BICRAL: variants seen among roughly 807,000 people sequenced by gnomAD.
BICRAL encodes BRD4-interacting chromatin-remodeling complex-associated protein-like.
A neutral mutation model predicts 91.8 loss-of-function variants in BICRAL; 8 were observed. The ratio of observed to expected loss-of-function variants is 0.09; its 90% confidence interval spans 0.05 to 0.16. The LOEUF (loss-of-function observed/expected upper bound fraction) is 0.16. BICRAL is among the 10% of genes least tolerant of loss of function. BICRAL has a pLI of 1.00. For synonymous variants in BICRAL, 445 were observed against 491.1 expected (o/e 0.91, Z 1.24); for missense variants, 1,038 against 1,310.9 (o/e 0.79, Z 3.21).
At chr6:42,776,019 T>TTTTA (rs1472551192) in intron 1 of BICRAL, among the ~76,000 whole-genome samples, 3 of 152,140 alleles carry the variant, frequency 2.0e-5, no homozygotes, top group Non-Finnish European at 2.9e-5. Context: ...AGGTTTTTTA[T>TTTTA]TTTATTTATT....
chr6:42,851,267 A>G (rs998038901), intron 6 of BICRAL, among the ~76,000 whole-genome samples: 3 of 152,180 alleles, frequency 2.0e-5, no homozygotes, highest in African/African-American at 7.2e-5. Flanking sequence ...CATGCATACA[A>G]TCCCAGCTAC....
intron 1 of BICRAL, among the ~76,000 whole-genome samples, chr6:42,784,039 T>C (rs1175470780): frequency 6.6e-6 from 1 of 152,244 alleles, no homozygotes; most frequent in East Asian, 1.9e-4. Flanking sequence ...ACCCTACGCT[T>C]CGTTTCTTAG....
chr6:42,785,531 A>C (rs1193286345), intron 1 of BICRAL, among the ~76,000 whole-genome samples: 1 of 148,912 alleles, frequency 6.7e-6, no homozygotes, highest in Non-Finnish European at 1.5e-5. Flanking sequence ...ATTGCACTCC[A>C]GTCCGGGAAA....
intron 1 of BICRAL, among the ~76,000 whole-genome samples, chr6:42,804,684 A>G (rs1312272357): frequency 6.6e-6 from 1 of 152,136 alleles, no homozygotes; most frequent in East Asian, 1.9e-4. Flanking sequence ...TACAGGGACA[A>G]GTGGGGTGGG....
rs913150912 is a variant in BICRAL, at chr6:42,845,226, T to G, written c.1840-6866T>G. Among the ~76,000 whole-genome samples the G allele has an allele frequency of 1.4e-4, 11 of 80,940 alleles. 1 individual carries two copies. Among genetic ancestry groups the G allele is most frequent in the East Asian group, 9.7e-4 (3 of 3,088 alleles). The allele number at this position is 80,940 out of a possible 152,430, so 53.1% of individuals were successfully genotyped here. On this transcript the variant is annotated intron_variant, in intron 6 of 12. Coordinates refer to ENST00000314073, the MANE Select transcript of BICRAL (RefSeq NM_001393499.1). Reference sequence around the variant, plus strand: ...TTTTTTTTTTTTTTTTTTTTTTTTTTTTTTTTTTTTTTTTTTTTTTTTAGA... The same window carrying G: ...TTTTTTTTTTTTTTTTTTTTTTTTTGTTTTTTTTTTTTTTTTTTTTTTAGA...
intron 1 of BICRAL, among the ~76,000 whole-genome samples, chr6:42,802,549 A>G (rs1763608382): frequency 6.6e-6 from 1 of 151,954 alleles, no homozygotes; most frequent in Non-Finnish European, 1.5e-5. Context: ...CCTGGGTTCA[A>G]GCGATTCTCC....
chr6:42,858,776 C>T (rs1765466289), intron 10 of BICRAL, among the ~76,000 whole-genome samples: 1 of 151,992 alleles, frequency 6.6e-6, no homozygotes, highest in Non-Finnish European at 1.5e-5. Flanking sequence ...GAGATCGTGC[C>T]ATTGCACTCC....
At chr6:42,752,739 G>A (rs139601181) in intron 1 of BICRAL, among the ~76,000 whole-genome samples, 9 of 151,974 alleles carry the variant, frequency 5.9e-5, no homozygotes, top group Non-Finnish European at 1.0e-4. Context: ...TAGTAGCTGG[G>A]ATTACAGGCA....
upstream of BICRAL, among the ~76,000 whole-genome samples, chr6:42,779,009 T>C (rs765739928): frequency 4.0e-5 from 6 of 151,450 alleles, no homozygotes; most frequent in Non-Finnish European, 7.4e-5. Context: ...GTGTTTTTGG[T>C]AGAGATGGGG....
Position 42,865,197 on chromosome 6 carries a change from C to G in BICRAL, c.2991C>G (p.Pro997=), listed in dbSNP as rs778211067. 1.2e-6 allele frequency: 2 copies of G among 1,614,088 alleles called. No individual in the cohort carries two copies. The highest frequency in any genetic ancestry group is 3.3e-5 in the Admixed American group (2 of 60,028). The part of the protein sequence containing the change: ...HTDIMKGSGE[P]QPDLQLTKSL... ...ACATCATGAAAGGGTCAGGCGAACC[C>G]CAGCCAGATCTCCAGCTGACAAAGA... Residue 997 remains proline (P), a synonymous_variant, in exon 13 of 13, where the codon CCC becomes CCG. Coordinates refer to ENST00000314073, the MANE Select transcript of BICRAL (RefSeq NM_001393499.1).
At chr6:42,764,368 A>G (rs942915544) in intron 1 of BICRAL, among the ~76,000 whole-genome samples, 1 of 150,716 alleles carries the variant, frequency 6.6e-6, no homozygotes, top group African/African-American at 2.4e-5. Flanking sequence ...CCTAGGCAAC[A>G]TGGCGTAACC....
In BICRAL at chr6:42,864,760, T is replaced by A; in HGVS notation, c.2554T>A (p.Ser852Thr). ...SDQHGSKASS[S>T]LQPPAKAQGR... ...CCAGCATGGCAGTAAAGCAAGCAGC[T>A]CTCTGCAACCGCCAGCCAAGGCCCA... The change falls in exon 13 of 13, where the codon TCT (serine) becomes ACT (threonine). Residue 852 changes from serine (S) to threonine (T), a missense_variant. Coordinates refer to ENST00000314073, the MANE Select transcript of BICRAL (RefSeq NM_001393499.1). The A allele has an allele frequency of 6.2e-7, 1 of 1,614,060 alleles. No homozygotes were observed. Among genetic ancestry groups the A allele is most frequent in the South Asian group, 1.1e-5 (1 of 91,082 alleles).
intron 6 of BICRAL, among the ~76,000 whole-genome samples, chr6:42,832,295 C>T (rs1764505971): frequency 1.3e-5 from 2 of 150,610 alleles, no homozygotes; most frequent in African/African-American, 4.9e-5. Context: ...TTGCAGTGAG[C>T]CAAGATCATG....
At chr6:42,795,131 A>T (rs1470540966) in intron 1 of BICRAL, among the ~76,000 whole-genome samples, 2 of 152,146 alleles carry the variant, frequency 1.3e-5, no homozygotes, top group African/African-American at 4.8e-5. Flanking sequence ...CTGCTATTAG[A>T]TTTAAAAACG....
intron 10 of BICRAL, among the ~76,000 whole-genome samples, chr6:42,859,652 T>TA (rs1765491672): frequency 2.3e-4 from 35 of 151,676 alleles, no homozygotes; most frequent in Middle Eastern, 3.4e-3. Context: ...ATATATATAT[T>TA]TTTTTTTGAG....
intron 2 of BICRAL, among the ~76,000 whole-genome samples, chr6:42,815,136 C>T (rs967720767): frequency 6.7e-6 from 1 of 150,222 alleles, no homozygotes; most frequent in African/African-American, 2.5e-5. Flanking sequence ...TGTTTTATGA[C>T]TCCTAAGGGT....
chr6:42,803,485 T>C lies in BICRAL; in HGVS notation c.-101-6821T>C, dbSNP rs531125411. On this transcript the variant is annotated intron_variant, in intron 1 of 12. Transcript: ENST00000314073. The stretch of plus-strand genomic sequence containing the variant: ...TCCCAAATCCTGTGCTGTACCATCG[T>C]CAAAAAGTGCTCACATGTAGCCTTG... 2.5e-3 allele frequency among the ~76,000 whole-genome samples: 374 copies of C among 152,246 alleles called. 1 individual carries two copies. Among genetic ancestry groups the C allele is most frequent in the Non-Finnish European group, 3.7e-3 (250 of 68,002 alleles).
chr6:42,752,966 A>G (rs1039222410), intron 1 of BICRAL, among the ~76,000 whole-genome samples: 1 of 113,834 alleles, frequency 8.8e-6, no homozygotes, highest in Admixed American at 1.1e-4. Context: ...TTGCTCTGTC[A>G]CCCAGGCTAG....
chr6:42,749,858 CTT>C (rs565514146), intron 1 of BICRAL, among the ~76,000 whole-genome samples: 31 of 138,952 alleles, frequency 2.2e-4, no homozygotes, highest in Non-Finnish European at 3.0e-4. Context: ...TTGGGAGTTC[CTT>C]TTTTTTTTTT....
Sources: gnomAD v4.1 joint callset for allele counts (sites outside exome capture counted in the v4.1 genomes callset) on GRCh38, gnomAD v4.1.1 for gene constraint, MANE v1.5 for transcripts, NCBI Gene and HGNC (gene_info 2026-07-23, HGNC 2026-07-21) for gene names.